The following ZFHX3 variants were observed in gnomAD, a reference collection of about 807,000 sequenced individuals.
The protein encoded by ZFHX3 is zinc finger homeobox 3.
ZFHX3 carries 42 observed loss-of-function variants against 279.1 expected under a neutral mutation model. That is an observed-to-expected ratio of 0.15 (90% CI 0.12 to 0.19). The LOEUF (loss-of-function observed/expected upper bound fraction) is 0.19, where lower values mean the gene tolerates loss of function less well. ZFHX3 is among the 10% of genes least tolerant of loss of function. The probability of loss-of-function intolerance (pLI) is 1.00; values close to 1 mark genes in which losing one functional copy is unlikely to be tolerated. For missense variants in ZFHX3, 4,981 were observed against 4,754.0 expected (o/e 1.05, Z -1.40); for synonymous variants, 2,293 against 1,957.8 (o/e 1.17, Z -4.52).
rs113949451 is a variant in ZFHX3 at position 73,125,478 on chromosome 16, A to C, written c.-897+5490T>G. 3.2e-3 allele frequency among the ~76,000 whole-genome samples: 487 copies of C among 152,232 alleles called. 3 individuals are homozygous for C. The highest frequency in any genetic ancestry group is 0.011 in the African/African-American group (456 of 41,536). Reference sequence around the variant, plus strand: ...CTGGGTGTGTCTGTGAGGGTGTTGCAGAAGGAGATTCACATTTGAGTCAAT... The same window carrying C: ...CTGGGTGTGTCTGTGAGGGTGTTGCCGAAGGAGATTCACATTTGAGTCAAT... On this transcript the variant is annotated intron_variant, in intron 7 of 17. Coordinates refer to the ZFHX3 transcript ENST00000641206.
At chr16:72,994,534 C>A (rs2144579398) in intron 1 of ZFHX3, among the ~76,000 whole-genome samples, 1 of 152,316 alleles carries the variant, frequency 6.6e-6, no homozygotes, top group East Asian at 1.9e-4. Flanking sequence ...GTCATCGAGC[C>A]AAGGGGGCCT....
intron 4 of ZFHX3, among the ~76,000 whole-genome samples, chr16:72,856,520 G>A (rs768004958): frequency 6.6e-6 from 1 of 152,170 alleles, no homozygotes; most frequent in Non-Finnish European, 1.5e-5. Flanking sequence ...CCACCTCTGG[G>A]AGGAGAAGAA....
intron 5 of ZFHX3, among the ~76,000 whole-genome samples, chr16:73,204,575 C>A (rs2011728901): frequency 6.6e-6 from 1 of 152,172 alleles, no homozygotes; most frequent in Admixed American, 6.5e-5. Flanking sequence ...ACAGATGAAG[C>A]TTTGCTTGCT....
At chr16:73,207,156 A>G (rs543728175) in intron 5 of ZFHX3, among the ~76,000 whole-genome samples, 1 of 152,204 alleles carries the variant, frequency 6.6e-6, no homozygotes, top group African/African-American at 2.4e-5. Flanking sequence ...TACTATCTCA[A>G]ATATATTGAT....
intron 3 of ZFHX3, among the ~76,000 whole-genome samples, chr16:73,382,344 GAGA>G (rs1310221564): frequency 6.6e-6 from 1 of 152,182 alleles, no homozygotes; most frequent in Non-Finnish European, 1.5e-5. Flanking sequence ...TAACAGATTT[GAGA>G]AGAATGTTTG....
intron 2 of ZFHX3, among the ~76,000 whole-genome samples, chr16:73,634,433 AATATATATATAT>A (rs60477881): frequency 5.0e-5 from 3 of 59,884 alleles, no homozygotes; most frequent in African/African-American, 1.3e-4. Context: ...TATTATGTAT[AATATATATATAT>A]ATATATATAT....
rs376818179 is a variant in ZFHX3, at chr16:73,280,023, G to A, written c.-1193-22887C>T. Among the ~76,000 whole-genome samples the A allele has an allele frequency of 1.2e-4, 19 of 152,282 alleles. No homozygotes were observed. The East Asian group carries it at 2.7e-3, about 22-fold the overall frequency. ...TACCAAGAATACACAATAGGAAAAT[G>A]ACAGTCTCTTCAATAAATGATGTTG... On this transcript the variant is annotated intron_variant, in intron 4 of 17. Coordinates refer to the ZFHX3 transcript ENST00000641206.
intron 1 of ZFHX3, among the ~76,000 whole-genome samples, chr16:73,788,382 A>G (rs1368816589): frequency 6.6e-6 from 1 of 152,244 alleles, no homozygotes; most frequent in African/African-American, 2.4e-5. Flanking sequence ...ACAGGTTTAT[A>G]TAAGAGACTT....
chr16:73,442,017 G>C (rs776969617), intron 3 of ZFHX3, among the ~76,000 whole-genome samples: 25 of 152,132 alleles, frequency 1.6e-4, no homozygotes, highest in Admixed American at 4.6e-4. Context: ...CAGGACTCCA[G>C]GTCTCTCCCC....
intron 1 of ZFHX3, among the ~76,000 whole-genome samples, chr16:72,986,989 G>A (rs1194036373): frequency 6.6e-6 from 1 of 152,182 alleles, no homozygotes; most frequent in Non-Finnish European, 1.5e-5. Context: ...CCACCTCTAC[G>A]AAAAACACAA....
chr16:73,435,298 T>A lies in ZFHX3; in HGVS notation c.-1291+20705A>T, dbSNP rs144423682. 6.1e-4 allele frequency among the ~76,000 whole-genome samples: 93 copies of A among 152,128 alleles called. No homozygotes were observed. The East Asian group carries it at 0.018, about 29-fold the overall frequency. On this transcript the variant is annotated intron_variant, in intron 3 of 17. Coordinates refer to the ZFHX3 transcript ENST00000641206. The stretch of plus-strand genomic sequence containing the variant: ...ATCTCGGCTCACTGCAACCTCCACC[T>A]CCCGGGTTCAAGTGATTCTCCTGCC...
Position 73,166,352 on chromosome 16 carries a change from G to A in ZFHX3, c.-1103-22521C>T, listed in dbSNP as rs147044835. 4.7e-3 allele frequency among the ~76,000 whole-genome samples: 716 copies of A among 152,322 alleles called. 5 individuals are homozygous for A. The highest frequency in any genetic ancestry group is 0.016 in the African/African-American group (680 of 41,570). On this transcript the variant is annotated intron_variant, in intron 5 of 17. Transcript: ENST00000641206. Reference sequence around the variant, plus strand: ...ATTCCGAGTCGGGTTTGGACAAACAGAGACAAATCAAGAAGGAAGCTGGGA... The same window carrying A: ...ATTCCGAGTCGGGTTTGGACAAACAAAGACAAATCAAGAAGGAAGCTGGGA...
intron 4 of ZFHX3, among the ~76,000 whole-genome samples, chr16:73,265,109 G>GTA (rs1555507015): frequency 9.0e-5 from 13 of 145,232 alleles, no homozygotes; most frequent in African/African-American, 3.0e-4. Flanking sequence ...GTGTGTGTGT[G>GTA]TATATAACAG....
At chr16:73,379,350 A>C (rs1263835072) in intron 3 of ZFHX3, among the ~76,000 whole-genome samples, 1 of 152,034 alleles carries the variant, frequency 6.6e-6, no homozygotes, top group Non-Finnish European at 1.5e-5. Context: ...GCCCCAATCT[A>C]TCACCCCACA....
chr16:73,326,529 G>A (rs553062295), intron 3 of ZFHX3, among the ~76,000 whole-genome samples: 17 of 152,308 alleles, frequency 1.1e-4, no homozygotes, highest in African/African-American at 4.1e-4. Context: ...CATATCGTAT[G>A]AGTCTATTTA....
At chr16:73,316,325 G>A (rs1431349163) in intron 4 of ZFHX3, among the ~76,000 whole-genome samples, 1 of 152,232 alleles carries the variant, frequency 6.6e-6, no homozygotes, top group East Asian at 1.9e-4. Flanking sequence ...TTGTTTCCAG[G>A]CACAGGCTGC....
intron 1 of ZFHX3, among the ~76,000 whole-genome samples, chr16:73,714,997 A>G (rs1464759815): frequency 1.3e-5 from 2 of 152,188 alleles, no homozygotes; most frequent in African/African-American, 4.8e-5. Flanking sequence ...ATTGCCTTTT[A>G]AAAATGCTTC....
At chr16:73,313,060 TGGG>T (rs2015362089) in intron 4 of ZFHX3, among the ~76,000 whole-genome samples, 1 of 152,146 alleles carries the variant, frequency 6.6e-6, no homozygotes, top group South Asian at 2.1e-4. Flanking sequence ...GACTGGATCA[TGGG>T]GGCAGATTTC....
intron 8 of ZFHX3, among the ~76,000 whole-genome samples, chr16:73,089,732 G>A (rs1204166511): frequency 6.6e-6 from 1 of 152,232 alleles, no homozygotes; most frequent in Non-Finnish European, 1.5e-5. Context: ...GCACCATGCT[G>A]CCCTGGGAGA....
Sources: allele counts gnomAD v4.1 joint callset (sites outside exome capture counted in the v4.1 genomes callset), GRCh38; gene constraint gnomAD v4.1.1; transcripts MANE v1.5; gene names NCBI Gene and HGNC (gene_info 2026-07-23, HGNC 2026-07-21).